The following TNRC6C variants were observed in gnomAD, a reference collection of about 807,000 sequenced individuals.
The protein encoded by TNRC6C is trinucleotide repeat-containing gene 6C protein.
In TNRC6C, 20 loss-of-function variants were observed where a neutral mutation model predicts 153.7. The ratio of observed to expected loss-of-function variants is 0.13; its 90% CI spans 0.09 to 0.19. The LOEUF (loss-of-function observed/expected upper bound fraction) is 0.19, where lower values mean the gene tolerates loss of function less well. Among genes scored for constraint, TNRC6C ranks in the 10% least tolerant of loss-of-function variants. The pLI is 1.00. For synonymous variants in TNRC6C, 811 were observed against 841.4 expected, an observed-to-expected ratio of 0.96 and a Z score of 0.63; for missense variants, 1,987 against 2,172.0, an observed-to-expected ratio of 0.91 and a Z score of 1.69.
intron 17 of TNRC6C, among the ~76,000 whole-genome samples, chr17:78,102,150 G>A (rs2073607770): frequency 6.6e-6 from 1 of 152,198 alleles, no homozygotes. Context: ...ACAGGCAGAG[G>A]TGGAGAGCAG....
chr17:78,098,475 A>G lies in TNRC6C; in HGVS notation c.4439A>G (p.Asn1480Ser), dbSNP rs748579812. 9 of 1,613,734 alleles carry G rather than the reference A, an allele frequency of 5.6e-6. No individual in the cohort carries two copies. The Admixed American group carries it at 6.7e-5, about 12-fold the overall frequency. ...ACGAGGCCACCTCCAGGGTTAACCA[A>G]TCCCAAGCCCTCCTCCACCTGGGGT... Residue 1480 changes from asparagine (N) to serine (S), a missense_variant, in exon 17 of 20, where the codon AAT (asparagine) becomes AGT (serine). Transcript: ENST00000301624.
intron 2 of TNRC6C, among the ~76,000 whole-genome samples, chr17:78,033,617 C>T (rs572808772): frequency 3.3e-5 from 5 of 151,498 alleles, no homozygotes; most frequent in South Asian, 4.2e-4. Context: ...TGCGGCGAGC[C>T]GAGATCACGC....
intron 1 of TNRC6C, among the ~76,000 whole-genome samples, chr17:78,030,414 G>A (rs538511216): frequency 2.0e-5 from 3 of 151,984 alleles, no homozygotes; most frequent in East Asian, 1.9e-4. Flanking sequence ...TCCGCCCACC[G>A]TGGCCTCCCT....
chr17:77,992,996 C>T (rs2071275152), intron 1 of TNRC6C, among the ~76,000 whole-genome samples: 2 of 151,890 alleles, frequency 1.3e-5, no homozygotes, highest in South Asian at 4.1e-4. Context: ...GATGGAGTCT[C>T]ACTCTGTTGC....
intron 16 of TNRC6C, 117 bp from the exon 19 acceptor site, chr17:78,097,628 T>A: frequency 1.6e-6 from 1 of 640,894 alleles, no homozygotes; most frequent in Non-Finnish European, 2.6e-6. Context: ...TTCAGGCTTC[T>A]ATTAAAAATG....
At chr17:77,988,100 C>T (rs544284718) in intron 1 of TNRC6C, among the ~76,000 whole-genome samples, 1 of 152,200 alleles carries the variant, frequency 6.6e-6, no homozygotes, top group Admixed American at 6.5e-5. Flanking sequence ...GCCTGTAATT[C>T]CAGCACTTTG....
chr17:77,995,639 T>A (rs188211872), intron 1 of TNRC6C, among the ~76,000 whole-genome samples: 1 of 152,116 alleles, frequency 6.6e-6, no homozygotes, highest in Admixed American at 6.6e-5. Context: ...CTGTAACACA[T>A]AGGCCAGGAT....
intron 1 of TNRC6C, among the ~76,000 whole-genome samples, chr17:77,972,346 C>T (rs1161464687): frequency 6.6e-6 from 1 of 152,008 alleles, no homozygotes; most frequent in Non-Finnish European, 1.5e-5. Context: ...AACCCCATCT[C>T]TACAAAAATA....
intron 1 of TNRC6C, among the ~76,000 whole-genome samples, chr17:77,982,779 C>T (rs766429394): frequency 3.3e-5 from 5 of 151,962 alleles, no homozygotes; most frequent in African/African-American, 9.7e-5. Context: ...TGCAGTGAGC[C>T]GAGATTGTGC....
At chr17:77,963,599 A>G (rs2070876845) in intron 1 of TNRC6C, among the ~76,000 whole-genome samples, 1 of 152,242 alleles carries the variant, frequency 6.6e-6, no homozygotes, top group African/African-American at 2.4e-5. Flanking sequence ...TCAAAAGACT[A>G]TAGAGCTGTG....
chr17:78,053,912 C>A lies in TNRC6C; in HGVS notation c.2395+2455C>A, dbSNP rs539822116. On this transcript the variant is annotated intron_variant, in intron 3 of 19. Coordinates refer to ENST00000301624, the Ensembl canonical transcript of TNRC6C. ...GCTCCAGGAACAGAATTAATACAGT[C>A]ATGCATAGCTTAACAATGGTGATAC... 2.5e-4 allele frequency among the ~76,000 whole-genome samples: 38 copies of A among 152,236 alleles called. No homozygotes were observed. In the South Asian group the frequency reaches 7.5e-3, roughly 30 times the overall value.
intron 1 of TNRC6C, among the ~76,000 whole-genome samples, chr17:77,971,333 T>C (rs1294801491): frequency 2.6e-5 from 4 of 152,242 alleles, no homozygotes; most frequent in Non-Finnish European, 5.9e-5. Flanking sequence ...GAAACCAGTC[T>C]CCTTTATGAA....
At chr17:78,076,211 G>A (rs1259912594) in intron 8 of TNRC6C, among the ~76,000 whole-genome samples, 3 of 146,042 alleles carry the variant, frequency 2.1e-5, no homozygotes, top group African/African-American at 7.7e-5. Flanking sequence ...GCGATACTCT[G>A]TCTCAAAAAA....
chr17:77,999,970 A>G (rs2071386672), upstream of TNRC6C, among the ~76,000 whole-genome samples: 1 of 152,200 alleles, frequency 6.6e-6, no homozygotes, highest in Admixed American at 6.5e-5. Flanking sequence ...CTCATACTCC[A>G]CAGGAAGGGA....
intron 1 of TNRC6C, among the ~76,000 whole-genome samples, chr17:77,989,658 A>G (rs2071221205): frequency 6.6e-6 from 1 of 152,206 alleles, no homozygotes; most frequent in African/African-American, 2.4e-5. Flanking sequence ...TAAGCTCTTG[A>G]TAATAGGGAT....
At chr17:77,974,881 G>T (rs1478985027) in intron 1 of TNRC6C, among the ~76,000 whole-genome samples, 1 of 152,164 alleles carries the variant, frequency 6.6e-6, no homozygotes, top group African/African-American at 2.4e-5. Flanking sequence ...GGTAGTCCTG[G>T]GTTCAAACCC....
intron 1 of TNRC6C, among the ~76,000 whole-genome samples, chr17:77,983,975 A>G (rs1397480463): frequency 6.6e-6 from 1 of 152,194 alleles, no homozygotes; most frequent in Non-Finnish European, 1.5e-5. Flanking sequence ...TGTTACCTTC[A>G]TGTGGAATCA....
intron 10 of TNRC6C, 21 bp from the exon 13 acceptor site, chr17:78,083,026 A>C (rs2073211217): frequency 6.2e-7 from 1 of 1,612,924 alleles, no homozygotes; most frequent in Non-Finnish European, 8.5e-7. Flanking sequence ...AACGGCTAAT[A>C]GTATATTTTA....
intron 1 of TNRC6C, among the ~76,000 whole-genome samples, chr17:77,997,946 G>A (rs1041465594): frequency 2.0e-5 from 3 of 152,142 alleles, no homozygotes; most frequent in Non-Finnish European, 2.9e-5. Flanking sequence ...GAGCCACTGC[G>A]CCTGGCCGAC....
Sources: gnomAD v4.1 joint callset for allele counts (sites outside exome capture counted in the v4.1 genomes callset) on GRCh38, gnomAD v4.1.1 for gene constraint, MANE v1.5 for transcripts, NCBI Gene and HGNC (gene_info 2026-07-23, HGNC 2026-07-21) for gene names.